Variants in ZPBP observed in about 807,000 individuals in gnomAD.
ZPBP encodes the protein zona pellucida binding protein.
A neutral mutation model predicts 44.8 loss-of-function variants in ZPBP; 26 were observed. That is an observed-to-expected ratio of 0.58 (90% CI 0.43 to 0.81). The LOEUF (loss-of-function observed/expected upper bound fraction) is 0.81. Among genes scored for constraint, ZPBP ranks in the 30% least tolerant of loss-of-function variants. ZPBP has a pLI of 0.00. For missense variants in ZPBP, 409 were observed against 434.0 expected (o/e 0.94, Z 0.51); for synonymous variants, 174 against 153.2 (o/e 1.14, Z -1.00).
intron 4 of ZPBP, among the ~76,000 whole-genome samples, chr7:50,050,197 AT>A (rs2128824267): frequency 1.3e-5 from 2 of 152,186 alleles, no homozygotes; most frequent in South Asian, 4.1e-4. Context: ...TATAAATTGA[AT>A]GTAATTCCCA....
At chr7:49,870,003 A>G (rs996317349) in intron 2 of ZPBP, among the ~76,000 whole-genome samples, 3 of 152,224 alleles carry the variant, frequency 2.0e-5, no homozygotes, top group Admixed American at 6.5e-5. Context: ...AGTGCATACT[A>G]TATGATTCTG....
intron 7 of ZPBP, chr7:49,943,518 G>A: frequency 2.5e-6 from 1 of 402,870 alleles, no homozygotes; most frequent in South Asian, 2.2e-5. Context: ...TCTTGTCAGT[G>A]TACAACTTTC....
chr7:50,048,598 A>T (rs1338449499), intron 4 of ZPBP, among the ~76,000 whole-genome samples: 1 of 152,152 alleles, frequency 6.6e-6, no homozygotes, highest in Non-Finnish European at 1.5e-5. Flanking sequence ...AGATCAAAGA[A>T]AAAATCAAAA....
intron 7 of ZPBP, among the ~76,000 whole-genome samples, chr7:49,957,321 C>T (rs1390446401): frequency 6.6e-6 from 1 of 152,204 alleles, no homozygotes; most frequent in East Asian, 1.9e-4. Context: ...GTTGCTAAAA[C>T]AGTCCTCTCA....
chr7:49,949,217 G>A (rs1462958106), intron 7 of ZPBP, among the ~76,000 whole-genome samples: 2 of 152,102 alleles, frequency 1.3e-5, no homozygotes, highest in African/African-American at 4.8e-5. Context: ...ATCCAGAATT[G>A]TAAGAAAATA....
chr7:50,038,160 G>T (rs1021488333), intron 4 of ZPBP, among the ~76,000 whole-genome samples: 3 of 152,144 alleles, frequency 2.0e-5, no homozygotes, highest in African/African-American at 7.2e-5. Context: ...CTAAAGCAGG[G>T]TGTCACTCAG....
chr7:50,003,261 C>T (rs1294237191), intron 6 of ZPBP, among the ~76,000 whole-genome samples: 1 of 151,986 alleles, frequency 6.6e-6, no homozygotes, highest in Non-Finnish European at 1.5e-5. Context: ...CCATGGAAAC[C>T]CTGAATAAAC....
intron 2 of ZPBP, among the ~76,000 whole-genome samples, chr7:49,864,707 G>A (rs1028207753): frequency 6.6e-6 from 1 of 152,232 alleles, no homozygotes; most frequent in Admixed American, 6.5e-5. Flanking sequence ...GCTCCAGACA[G>A]TTTCAAACAG....
chr7:49,959,124 T>G (rs1795736098), intron 7 of ZPBP, among the ~76,000 whole-genome samples: 2 of 152,036 alleles, frequency 1.3e-5, no homozygotes, highest in African/African-American at 4.8e-5. Flanking sequence ...ACATCTAAGA[T>G]AACCCTACAG....
chr7:49,949,381 C>T (rs1795233707), intron 7 of ZPBP, among the ~76,000 whole-genome samples: 1 of 152,056 alleles, frequency 6.6e-6, no homozygotes, highest in South Asian at 2.1e-4. Context: ...CTGGATGTAG[C>T]CCAATGCCCA....
chr7:49,866,120 T>G (rs1328636222), intron 2 of ZPBP, among the ~76,000 whole-genome samples: 2 of 152,188 alleles, frequency 1.3e-5, no homozygotes, highest in Non-Finnish European at 2.9e-5. Flanking sequence ...CCTGGCTCCT[T>G]CATATCGCCT....
chr7:49,871,546 C>T (rs896488893), intron 2 of ZPBP, among the ~76,000 whole-genome samples: 13 of 151,766 alleles, frequency 8.6e-5, no homozygotes, highest in South Asian at 2.1e-4. Flanking sequence ...AGCAGAAAAA[C>T]GAATGACAGA....
At chr7:49,986,684 G>C (rs990966624) in intron 6 of ZPBP, among the ~76,000 whole-genome samples, 2 of 151,872 alleles carry the variant, frequency 1.3e-5, no homozygotes, top group Non-Finnish European at 2.9e-5. Flanking sequence ...TATGCAAAAG[G>C]CTTTTTTCCT....
chr7:49,888,911 CA>C (rs925441856), intron 2 of ZPBP, among the ~76,000 whole-genome samples: 5 of 149,714 alleles, frequency 3.3e-5, no homozygotes, highest in East Asian at 1.9e-4. Context: ...GACTTCATCT[CA>C]AAAAAAACAA....
intron 7 of ZPBP, among the ~76,000 whole-genome samples, chr7:49,981,620 T>TATA (rs1796958666): frequency 2.0e-4 from 1 of 4,940 alleles, no homozygotes; most frequent in African/African-American, 1.2e-3. Flanking sequence ...AATTATATTA[T>TATA]ATTATATTAT....
intron 1 of ZPBP, among the ~76,000 whole-genome samples, chr7:50,091,780 G>C (rs958045814): frequency 6.6e-6 from 1 of 152,170 alleles, no homozygotes; most frequent in South Asian, 2.1e-4. Context: ...ATAATAGTGT[G>C]AGGGGCAGTA....
chr7:49,974,253 T>G (rs1796410824), intron 7 of ZPBP, among the ~76,000 whole-genome samples: 1 of 152,194 alleles, frequency 6.6e-6, no homozygotes. Context: ...TTACCACTAC[T>G]GAATTTTACA....
At chr7:49,881,684 A>G (rs1463789810) in intron 2 of ZPBP, among the ~76,000 whole-genome samples, 1 of 152,130 alleles carries the variant, frequency 6.6e-6, no homozygotes, top group Non-Finnish European at 1.5e-5. Flanking sequence ...TTTTCCCTAA[A>G]AGTCTTTGGT....
Position 49,854,910 on chromosome 7 carries a change from A to G in ZPBP, n.510-4396T>C, listed in dbSNP as rs376287615. On this transcript the variant is annotated intron_variant and non_coding_transcript_variant, in intron 2 of 2. Coordinates refer to the ZPBP transcript ENST00000465922. ...ACTATGAAGCTCAAAAAGGTTAAGTAACTTGCCCAATGCCATGCACCCTGG... is the reference window on the plus strand; with the variant it reads ...ACTATGAAGCTCAAAAAGGTTAAGTGACTTGCCCAATGCCATGCACCCTGG... Among the ~76,000 whole-genome samples the G allele has an allele frequency of 2.6e-5, 4 of 152,320 alleles. No homozygotes were observed. The South Asian group carries it at 6.2e-4, about 24-fold the overall frequency.
Sources: gnomAD v4.1 joint callset for allele counts (sites outside exome capture counted in the v4.1 genomes callset) on GRCh38, gnomAD v4.1.1 for gene constraint, MANE v1.5 for transcripts, NCBI Gene and HGNC (gene_info 2026-07-23, HGNC 2026-07-21) for gene names.